PLA2R1: variants seen among roughly 807,000 people sequenced by gnomAD.
The protein encoded by PLA2R1 is phospholipase A2 receptor 1.
Under a neutral mutation model 195.9 loss-of-function variants are expected in PLA2R1, and 158 were observed. That is an observed-to-expected ratio of 0.81 (90% CI 0.71 to 0.92). The LOEUF (loss-of-function observed/expected upper bound fraction) is 0.92. PLA2R1 is among the 40% of genes least tolerant of loss of function. The probability of loss-of-function intolerance (pLI) is 0.00; values close to 1 mark genes in which losing one functional copy is unlikely to be tolerated. For missense variants in PLA2R1, 1,626 were observed against 1,764.6 expected (o/e 0.92, Z 1.41); for synonymous variants, 586 against 598.2 (o/e 0.98, Z 0.30).
Position 159,942,166 on chromosome 2 carries a change from T to TA in PLA2R1, c.4145-8_4145-7insT. ...GCCTCTGCAGTGTGAATATCTAAAA[T>TA]CAAATACAAAAATTAAAATGAGGTT... On this transcript the variant is annotated splice_polypyrimidine_tract_variant and splice_region_variant and intron_variant, in intron 28 of 29. Coordinates refer to ENST00000283243, the MANE Select transcript of PLA2R1 (RefSeq NM_007366.5). 1 of 1,605,024 alleles carries TA rather than the reference T, an allele frequency of 6.2e-7. No individual in the cohort carries two copies. Among genetic ancestry groups the TA allele is most frequent in the African/African-American group, 1.3e-5 (1 of 74,674 alleles).
chr2:160,019,877 G>A lies in PLA2R1; in HGVS notation c.1452+229C>T, dbSNP rs374107078. Among the ~76,000 whole-genome samples the A allele has an allele frequency of 5.9e-4, 90 of 152,186 alleles. No individual in the cohort carries two copies. In the South Asian group the frequency reaches 0.013, roughly 22 times the overall value. On this transcript the variant is annotated intron_variant, in intron 8 of 29. Transcript: ENST00000283243. ...ATGCTTTCTGTGGCTGTCCTGTCCT[G>A]CCCCAACCCAAGCTTTTCACTATCA...
chr2:160,038,002 G>A (rs749056537), intron 3 of PLA2R1, among the ~76,000 whole-genome samples: 19 of 152,180 alleles, frequency 1.2e-4, no homozygotes, highest in Non-Finnish European at 2.1e-4. Context: ...CTGGCACATA[G>A]TAGGTGTTCA....
chr2:160,013,235 T>G (rs1692483324), intron 10 of PLA2R1, 28 bp downstream of exon 10: 1 of 1,132,546 alleles, frequency 8.8e-7, no homozygotes, highest in African/African-American at 1.5e-5. Flanking sequence ...AAAGCCGTCT[T>G]GTTTCTGTTA....
intron 17 of PLA2R1, among the ~76,000 whole-genome samples, chr2:159,972,092 G>A (rs2105252091): frequency 6.6e-6 from 1 of 152,180 alleles, no homozygotes; most frequent in East Asian, 1.9e-4. Context: ...GGCCTGGATT[G>A]TTCACTGCCC....
chr2:160,046,113 C>T (rs1476170699), intron 1 of PLA2R1, among the ~76,000 whole-genome samples: 1 of 152,192 alleles, frequency 6.6e-6, no homozygotes, highest in Non-Finnish European at 1.5e-5. Flanking sequence ...TTCTCACAGG[C>T]TTTTTGAAGA....
In PLA2R1 at chr2:160,028,229, T is replaced by C. The variant is rs1477732868; in HGVS notation, c.1088A>G (p.His363Arg). 5 of 1,588,480 alleles carry C rather than the reference T, an allele frequency of 3.1e-6. No homozygotes were observed. The African/African-American group carries it at 4.1e-5, about 13-fold the overall frequency. ...ICKKYLNHID[H>R]EIVEKDAWKY... Reference sequence around the variant, plus strand: ...ATAAAAACGCTTACCAACTATTTCATGATCAATGTGGTTTAGATATTTTTT... The same window carrying C: ...ATAAAAACGCTTACCAACTATTTCACGATCAATGTGGTTTAGATATTTTTT... Residue 363 changes from histidine (H) to arginine (R), a missense_variant, in exon 6 of 30, where the codon CAT becomes CGT. Transcript: ENST00000283243.
At chr2:160,008,602 G>C (rs1692153421) in intron 10 of PLA2R1, among the ~76,000 whole-genome samples, 1 of 152,092 alleles carries the variant, frequency 6.6e-6, no homozygotes, top group Non-Finnish European at 1.5e-5. Context: ...CTCTTACAAG[G>C]AAACACAGGA....
chr2:159,946,048 A>C (rs1336580288), intron 27 of PLA2R1: 2 of 983,146 alleles, frequency 2.0e-6, no homozygotes, highest in Non-Finnish European at 2.4e-6. Flanking sequence ...GAATTTCTTT[A>C]ATACCAAGCC....
chr2:159,975,978 T>G, intron 17 of PLA2R1, 90 bp downstream of exon 17: 1 of 922,302 alleles, frequency 1.1e-6, no homozygotes, highest in Non-Finnish European at 1.7e-6. Flanking sequence ...ATATCCGAAG[T>G]CAAATCGAAA....
At position 159,955,131 on chromosome 2, in the gene PLA2R1, T is replaced by C. The variant is rs564026854; in HGVS notation, c.3301+68A>G. ...TAGCTACATTAGCTACACAGCTGTG[T>C]AAAACCAACATGAAAGAGAAGGATG... is the stretch of plus-strand genomic sequence containing the variant. On this transcript the variant is annotated intron_variant, in intron 23 of 29. Transcript: ENST00000283243. 1,939 of 1,272,584 alleles carry C rather than the reference T, an allele frequency of 1.5e-3. 8 individuals are homozygous for C. Among genetic ancestry groups the C allele is most frequent in the Non-Finnish European group, 2.0e-3 (1,817 of 889,274 alleles). The allele number at this position is 1,272,584 out of a possible 1,614,324, so 78.8% of individuals were successfully genotyped here.
At chr2:159,988,028 C>T (rs976688099) in intron 11 of PLA2R1, among the ~76,000 whole-genome samples, 1 of 151,934 alleles carries the variant, frequency 6.6e-6, no homozygotes, top group Admixed American at 6.6e-5. Flanking sequence ...TAGTTATGGA[C>T]AAAACTCCAC....
rs566569305 is a variant in PLA2R1, at chr2:159,985,600, A to G, written c.2038-1527T>C. Among the ~76,000 whole-genome samples, 20 of 152,294 alleles carry G rather than the reference A, an allele frequency of 1.3e-4. No individual in the cohort carries two copies. The South Asian group carries it at 4.1e-3, about 32-fold the overall frequency. On this transcript the variant is annotated intron_variant, in intron 12 of 29. Coordinates refer to ENST00000283243, the MANE Select transcript of PLA2R1 (RefSeq NM_007366.5). ...ACACACATATATACACATACAAATC[A>G]ACCGTATGCATCAATTTGTTTGATC...
At chr2:160,045,287 T>G in intron 1 of PLA2R1, 130 bp from the exon 2 acceptor site, 1 of 689,792 alleles carries the variant, frequency 1.4e-6, no homozygotes, top group South Asian at 1.9e-5. Context: ...TCTGGAGTTG[T>G]TGGGCAGGGT....
intron 21 of PLA2R1, 96 bp downstream of exon 21, chr2:159,956,414 T>G: frequency 1.3e-6 from 1 of 741,044 alleles, no homozygotes; most frequent in South Asian, 1.5e-5. Context: ...ATTTTAAATG[T>G]TGATTTGGGA....
rs1689532376 is a variant in PLA2R1 at position 159,976,082 on chromosome 2, T to C, written c.2581A>G (p.Ser861Gly). The change falls in exon 17 of 30, where the codon AGC (serine) becomes GGC (glycine). Residue 861 changes from serine (S) to glycine (G), a missense_variant. Coordinates refer to ENST00000283243, the MANE Select transcript of PLA2R1 (RefSeq NM_007366.5). ...TGTTCAAGTACCGCTTTTATTTTGCTGTGGATGAATTCTTGCTCATGTGCA... is the reference window on the plus strand; with the variant it reads ...TGTTCAAGTACCGCTTTTATTTTGCCGTGGATGAATTCTTGCTCATGTGCA... ...HSAHEQEFIH[S>G]KIKALSKYGA... is the part of the protein sequence containing the mutation. The C allele has an allele frequency of 6.2e-7, 1 of 1,612,678 alleles. No homozygotes were observed. The highest frequency in any genetic ancestry group is 1.3e-5 in the African/African-American group (1 of 74,858).
the PLA2R1 span, among the ~76,000 whole-genome samples, chr2:159,925,314 T>C: frequency 6.6e-6 from 1 of 152,220 alleles, no homozygotes; most frequent in Admixed American, 6.5e-5. Context: ...CGTATGTGTG[T>C]ATTGACAAGG....
rs141454889 is a variant in PLA2R1, at chr2:159,949,816, G to A, written c.3541-40C>T. The A allele has an allele frequency of 1.1e-5, 17 of 1,551,772 alleles. No individual in the cohort carries two copies. In the East Asian group the frequency reaches 1.1e-4, roughly 10 times the overall value. On this transcript the variant is annotated intron_variant, in intron 24 of 29. Transcript: ENST00000283243. Reference sequence around the variant, plus strand: ...TGAGCCATCATTTCCTTGCCACGACGGCTGGCAGCATCACCCAGTGTTATC... The same window carrying A: ...TGAGCCATCATTTCCTTGCCACGACAGCTGGCAGCATCACCCAGTGTTATC...
chr2:159,946,990 C>G, intron 26 of PLA2R1, 73 bp from the exon 27 acceptor site: 4 of 923,252 alleles, frequency 4.3e-6, no homozygotes, highest in Non-Finnish European at 6.7e-6. Context: ...GTTTCCTATA[C>G]TATTAATTGT....
chr2:160,035,725 C>T (rs991413703), intron 3 of PLA2R1, among the ~76,000 whole-genome samples: 5 of 152,102 alleles, frequency 3.3e-5, no homozygotes, highest in Admixed American at 6.5e-5. Flanking sequence ...TCCTAAACTA[C>T]ACCTCCTTTT....
Sources: gnomAD v4.1 joint callset for allele counts (sites outside exome capture counted in the v4.1 genomes callset) on GRCh38, gnomAD v4.1.1 for gene constraint, MANE v1.5 for transcripts, NCBI Gene and HGNC (gene_info 2026-07-23, HGNC 2026-07-21) for gene names.